Variants in VWA5B2 observed in about 807,000 individuals in gnomAD.
VWA5B2 encodes the protein von Willebrand factor A domain containing 5B2, also known as von Willebrand factor A domain-containing protein 5B2.
In VWA5B2, 93 loss-of-function variants were observed where a neutral mutation model predicts 118.5. That is an observed-to-expected ratio of 0.79 (90% CI 0.66 to 0.93). The LOEUF (loss-of-function observed/expected upper bound fraction) is 0.93. Ranked by LOEUF, VWA5B2 falls within the 40% of genes least tolerant of loss-of-function variation. VWA5B2 has a pLI of 0.00. For synonymous variants in VWA5B2, 708 were observed against 716.3 expected (o/e 0.99, Z 0.19); for missense variants, 1,546 against 1,672.8 (o/e 0.92, Z 1.32).
rs1375444854 is a variant in VWA5B2 at position 184,242,320 on chromosome 3, C to T, written c.*282C>T. On this transcript the variant is annotated 3_prime_UTR_variant, in exon 20 of 20. Transcript: ENST00000691901. ...TCCCCAAATCCTATGCAATAAAGTG[C>T]CTCTTAGGACTGCTTGAGTGAATTC... is the stretch of plus-strand genomic sequence containing the variant. 8 of 794,026 alleles carry T rather than the reference C, an allele frequency of 1.0e-5. No homozygotes were observed. The Middle Eastern group carries it at 1.4e-3, about 134-fold the overall frequency. The allele number at this position is 794,026 out of a possible 1,614,324, so 49.2% of individuals were successfully genotyped here.
Position 184,234,302 on chromosome 3 carries a change from C to T in VWA5B2, c.725C>T (p.Ala242Val). 2.6e-6 allele frequency: 4 copies of T among 1,551,568 alleles called. No individual in the cohort carries two copies. The highest frequency in any genetic ancestry group is 3.5e-6 in the Non-Finnish European group (4 of 1,146,952). The part of the protein sequence containing the change: ...ESPSHALRAD[A>V]PPHASSAATI... ...CCCTCTCATGCTCTGCGGGCAGATG[C>T]CCCCCCTCATGCCAGCTCTGCAGCC... The change falls in exon 6 of 20, where the codon GCC (alanine) becomes GTC (valine). Residue 242 changes from alanine (A) to valine (V), a missense_variant. By Grantham distance (64) the Ala-to-Val change is moderately conservative. Around this residue, in one of 3 missense-constraint regions of VWA5B2, gnomAD observed 775 missense variants for 882.3 expected, o/e 0.88. Coordinates refer to ENST00000691901, the MANE Select transcript of VWA5B2 (RefSeq NM_001390846.1).
In VWA5B2 at chr3:184,238,273, T is replaced by C. The variant is rs764974543; in HGVS notation, c.1720-30T>C. On this transcript the variant is annotated intron_variant, in intron 12 of 19. Transcript: ENST00000691901. This position sits in a 1 kb window ranked among gnomAD's most constrained non-coding sequence, Gnocchi z 5.0. ...GAAAGAGGTAGCACATAACTGCAGTTAATTTTTTTCCCAATAATATTCTCT... is the reference window on the plus strand; with the variant it reads ...GAAAGAGGTAGCACATAACTGCAGTCAATTTTTTTCCCAATAATATTCTCT... The C allele has an allele frequency of 1.4e-6, 2 of 1,459,186 alleles. No homozygotes were observed. The highest frequency in any genetic ancestry group is 5.4e-5 in the Admixed American group (2 of 37,062). The allele number at this position is 1,459,186 out of a possible 1,614,324, so 90.4% of individuals were successfully genotyped here.
rs979428943 is a variant in VWA5B2 at position 184,241,550 on chromosome 3, C to G, written c.3241C>G (p.Arg1081Gly). The G allele has an allele frequency of 2.6e-6, 4 of 1,549,600 alleles. No individual in the cohort carries two copies. The South Asian group carries it at 4.8e-5, about 18-fold the overall frequency. Residue 1081 changes from arginine to glycine, a missense_variant, in exon 20 of 20, where the codon CGC (arginine) becomes GGC (glycine). Physicochemically the swap from Arg to Gly is moderately radical, Grantham distance 125 (BLOSUM62 -2). Around this residue, in one of 3 missense-constraint regions of VWA5B2, gnomAD observed 763 missense variants for 766.6 expected, o/e 1.00. Coordinates refer to ENST00000691901, the MANE Select transcript of VWA5B2 (RefSeq NM_001390846.1). The surrounding 1 kb of genome is among the most constrained non-coding windows in gnomAD (Gnocchi z 5.1). The part of the protein sequence containing the change: ...RLDAPFCAAV[R>G]ISQERLCRAS... ...GGACGCGCCCTTCTGCGCCGCTGTG[C>G]GCATCTCGCAGGAGCGCCTCTGCCG...
Position 184,239,556 on chromosome 3 carries a change from C to A in VWA5B2, c.2365C>A (p.Gln789Lys). ...LDGPSPEPGQ[Q>K]LGQGLDDSGN... ...TGGCCCAAGTCCTGAGCCAGGCCAA[C>A]AGTTGGGACAAGGCCTGGATGACTC... is the stretch of plus-strand genomic sequence containing the variant. The change falls in exon 15 of 20, where the codon CAG (glutamine) becomes AAG (lysine). Residue 789 changes from glutamine to lysine, a missense_variant. Coordinates refer to ENST00000691901, the MANE Select transcript of VWA5B2 (RefSeq NM_001390846.1). This position sits in a 1 kb window ranked among gnomAD's most constrained non-coding sequence, Gnocchi z 5.1. 1 of 1,534,228 alleles carries A rather than the reference C, an allele frequency of 6.5e-7. No individual in the cohort carries two copies.
At position 184,241,728 on chromosome 3, in the gene VWA5B2, T is replaced by C. The variant is rs1248705653; in HGVS notation, c.3419T>C (p.Val1140Ala). 1.1e-5 allele frequency: 16 copies of C among 1,495,722 alleles called. No individual in the cohort carries two copies. Among genetic ancestry groups the C allele is most frequent in the Admixed American group, 4.3e-5 (2 of 46,968 alleles). 92.7% of individuals were successfully genotyped at this position (1,495,722 alleles called of 1,614,324 possible). A position where few individuals can be genotyped will look rare whatever the true frequency, so the allele number is the denominator to read the frequency against. ...PSSGSEGPGQ[V>A]DSGRGSDTEA... is the part of the protein sequence containing the mutation. The stretch of plus-strand genomic sequence containing the variant: ...TCGGGCTCTGAGGGGCCAGGCCAGG[T>C]GGACAGTGGGCGGGGCTCAGACACC... Residue 1140 changes from valine to alanine, a missense_variant, in exon 20 of 20, where the codon GTG (valine) becomes GCG (alanine). By Grantham distance (64) the Val-to-Ala change is moderately conservative (BLOSUM62 0). Transcript: ENST00000691901. The surrounding 1 kb of genome is among the most constrained non-coding windows in gnomAD (Gnocchi z 5.1).
At chr3:184,235,637 G>A (rs986545849) in intron 8 of VWA5B2, among the ~76,000 whole-genome samples, 1 of 151,550 alleles carries the variant, frequency 6.6e-6, no homozygotes, top group Non-Finnish European at 1.5e-5. Context: ...TACCTCCAGA[G>A]TCCCACACAC....
In VWA5B2 at chr3:184,241,623, C is replaced by A. The variant is rs1364332621; in HGVS notation, c.3314C>A (p.Ala1105Asp). The change falls in exon 20 of 20, where the codon GCC becomes GAC. Residue 1105 changes from alanine to aspartate, a missense_variant. Physicochemically the swap from Ala to Asp is moderately radical, Grantham distance 126. This residue lies in a region of VWA5B2 where 763 missense variants were observed against 766.6 expected (regional missense o/e 1.00). Coordinates refer to ENST00000691901, the MANE Select transcript of VWA5B2 (RefSeq NM_001390846.1). This position sits in a 1 kb window ranked among gnomAD's most constrained non-coding sequence, Gnocchi z 5.1. The stretch of plus-strand genomic sequence containing the variant: ...CGCGCCAGCCTCAGCCCCACCTCGG[C>A]CTCATTGCCCTGGGCACTTCTGGGC... ...VHRASLSPTS[A>D]SLPWALLGPG... is the part of the protein sequence containing the mutation. 2 of 1,541,752 alleles carry A rather than the reference C, an allele frequency of 1.3e-6. No individual in the cohort carries two copies. Among genetic ancestry groups the A allele is most frequent in the African/African-American group, 1.4e-5 (1 of 73,056 alleles).
chr3:184,241,195 A>G lies in VWA5B2; in HGVS notation c.2971A>G (p.Arg991Gly), dbSNP rs1350690627. 2 of 1,550,734 alleles carry G rather than the reference A, an allele frequency of 1.3e-6. No homozygotes were observed. The highest frequency in any genetic ancestry group is 1.2e-5 in the South Asian group (1 of 83,976). ...GATGATCCCCACTGCAGGACTTCAG[A>G]GAGGCTCTCCAGCAGGCGCCTGGGA... is the stretch of plus-strand genomic sequence containing the variant. ...PTVVYSKGLQ[R>G]GSPAGAWDSD... Residue 991 changes from arginine to glycine, a missense_variant, in exon 19 of 20, where the codon AGA (arginine) becomes GGA (glycine). Physicochemically the swap from Arg to Gly is moderately radical, Grantham distance 125 (BLOSUM62 -2). Transcript: ENST00000691901. This position sits in a 1 kb window ranked among gnomAD's most constrained non-coding sequence, Gnocchi z 5.1.
At position 184,241,183 on chromosome 3, in the gene VWA5B2, GCAGGACTT is replaced by G; in HGVS notation, c.2963_2970del (p.Gly988GlufsTer51). 2 of 1,550,814 alleles carry G rather than the reference GCAGGACTT, an allele frequency of 1.3e-6. No homozygotes were observed. The highest frequency in any genetic ancestry group is 3.9e-5 in the Admixed American group (2 of 50,936). On this transcript the variant is annotated splice_acceptor_variant and splice_polypyrimidine_tract_variant and coding_sequence_variant and intron_variant, in exon 19 of 20. Transcript: ENST00000691901. LOFTEE classifies it high-confidence loss of function. The surrounding 1 kb of genome is among the most constrained non-coding windows in gnomAD (Gnocchi z 5.1). ...CCCCCTGGCACTGATGATCCCCACT[GCAGGACTT>G]CAGAGAGGCTCTCCAGCAGGCGCCT...
In VWA5B2 at chr3:184,238,424, C is replaced by T; in HGVS notation, c.1841C>T (p.Thr614Ile). ...ACCTCAGAGCCACTGGGAACAGGCACTGTCTCAGCAGAACTGTCCAGCCCA... is the reference window on the plus strand; with the variant it reads ...ACCTCAGAGCCACTGGGAACAGGCATTGTCTCAGCAGAACTGTCCAGCCCA... ...TGTSEPLGTG[T>I]VSAELSSPWA... The change falls in exon 13 of 20, where the codon ACT becomes ATT. Residue 614 changes from threonine (T) to isoleucine (I), a missense_variant. Thr to Ile is a moderately conservative substitution (Grantham distance 89). This residue lies in a region of VWA5B2 where 775 missense variants were observed against 882.3 expected (regional missense o/e 0.88). Coordinates refer to ENST00000691901, the MANE Select transcript of VWA5B2 (RefSeq NM_001390846.1). This position sits in a 1 kb window ranked among gnomAD's most constrained non-coding sequence, Gnocchi z 5.0. 1 of 1,550,806 alleles carries T rather than the reference C, an allele frequency of 6.4e-7. No individual in the cohort carries two copies.
chr3:184,239,255 A>T lies in VWA5B2; in HGVS notation c.2203-139A>T. On this transcript the variant is annotated intron_variant, in intron 14 of 19. Transcript: ENST00000691901. The surrounding 1 kb of genome is among the most constrained non-coding windows in gnomAD (Gnocchi z 5.1). ...AGGCCAGAGGTCACTGTAGGCCATA[A>T]GGAACTTGGCCTTCCTCCTCAAGCT... The T allele has an allele frequency of 1.1e-6, 1 of 913,298 alleles. No homozygotes were observed. Among genetic ancestry groups the T allele is most frequent in the Non-Finnish European group, 1.6e-6 (1 of 640,606 alleles). 56.6% of individuals were successfully genotyped at this position (913,298 alleles called of 1,614,324 possible).
chr3:184,230,551 C>T lies in VWA5B2; in HGVS notation c.23C>T (p.Ser8Phe), dbSNP rs1560149362. The change falls in exon 2 of 20, where the codon TCC becomes TTC. Residue 8 changes from serine to phenylalanine, a missense_variant. Around this residue, in one of 3 missense-constraint regions of VWA5B2, gnomAD observed 775 missense variants for 882.3 expected, o/e 0.88. Coordinates refer to ENST00000691901, the MANE Select transcript of VWA5B2 (RefSeq NM_001390846.1). ...GCCATGCCCGGCCTGTACTGCCCCT[C>T]CAGCTGGACGCCGCTGCCGCTCACG... is the stretch of plus-strand genomic sequence containing the variant. The part of the protein sequence containing the change: MPGLYCP[S>F]SWTPLPLTDS... 6.8e-7 allele frequency: 1 copy of T among 1,480,920 alleles called. No individual in the cohort carries two copies. The highest frequency in any genetic ancestry group is 8.9e-7 in the Non-Finnish European group (1 of 1,123,708). The allele number at this position is 1,480,920 out of a possible 1,614,324, so 91.7% of individuals were successfully genotyped here. A position where few individuals can be genotyped will look rare whatever the true frequency, so the allele number is the denominator to read the frequency against.
chr3:184,240,638 G>T, intron 16 of VWA5B2, 153 bp from the exon 17 acceptor site: 1 of 1,031,064 alleles, frequency 9.7e-7, no homozygotes, highest in Non-Finnish European at 1.4e-6. Context: ...TGTCAAAGTT[G>T]GGGAGTCTGA....
At chr3:184,236,862 AG>A in intron 11 of VWA5B2, 113 bp downstream of exon 11, 1 of 905,968 alleles carries the variant, frequency 1.1e-6, no homozygotes, top group Non-Finnish European at 1.6e-6. Context: ...CGCCCTCACC[AG>A]GCCTTCTCCC....
At chr3:184,230,152 G>T (rs993240077) in intron 1 of VWA5B2, among the ~76,000 whole-genome samples, 1 of 152,120 alleles carries the variant, frequency 6.6e-6, no homozygotes, top group African/African-American at 2.4e-5. Context: ...GCCGCGGGGG[G>T]CCCCGGGGGG....
intron 16 of VWA5B2, 67 bp downstream of exon 16, chr3:184,240,103 G>A (rs1718421133): frequency 1.6e-6 from 2 of 1,284,858 alleles, no homozygotes; most frequent in Admixed American, 2.7e-5. Context: ...GTAGAGGTCT[G>A]TGTGTTTGAT....
Position 184,236,768 on chromosome 3 carries a change from C to T in VWA5B2, c.1533+19C>T, listed in dbSNP as rs929359842. ...GCCCATGGTGAGCTTGAGCCTGGGC[C>T]CTGTTCCCTACACCTGGAAGTTTTT... On this transcript the variant is annotated intron_variant, in intron 11 of 19. Coordinates refer to ENST00000691901, the MANE Select transcript of VWA5B2 (RefSeq NM_001390846.1). The T allele has an allele frequency of 1.3e-6, 2 of 1,489,374 alleles. No individual in the cohort carries two copies. The highest frequency in any genetic ancestry group is 1.8e-6 in the Non-Finnish European group (2 of 1,113,854). 92.3% of individuals were successfully genotyped at this position (1,489,374 alleles called of 1,614,324 possible).
chr3:184,235,389 A>G, intron 8 of VWA5B2, 81 bp downstream of exon 8: 1 of 1,448,518 alleles, frequency 6.9e-7, no homozygotes, highest in South Asian at 1.3e-5. Context: ...AGCCTCTTGA[A>G]GCCAGGAGTT....
At chr3:184,236,779 C>T (rs1277875316) in intron 11 of VWA5B2, 30 bp downstream of exon 11, 8 of 1,466,338 alleles carry the variant, frequency 5.5e-6, no homozygotes, top group East Asian at 2.5e-5. Context: ...CTGTTCCCTA[C>T]ACCTGGAAGT....
Sources: allele counts gnomAD v4.1 joint callset (sites outside exome capture counted in the v4.1 genomes callset), GRCh38; gene constraint gnomAD v4.1.1; regional missense constraint gnomAD v4.1.1; non-coding constraint Gnocchi (gnomAD v3.1); transcripts MANE v1.5; gene names NCBI Gene and HGNC (gene_info 2026-07-23, HGNC 2026-07-21).